Variants in SHOC1 observed in about 807,000 individuals in gnomAD.
SHOC1 encodes shortage in chiasmata 1.
A neutral mutation model predicts 179.2 loss-of-function variants in SHOC1; 136 were observed. The ratio of observed to expected loss-of-function variants is 0.76; its 90% confidence interval spans 0.66 to 0.87. SHOC1 has a LOEUF of 0.87. Among genes scored for constraint, SHOC1 ranks in the 40% least tolerant of loss-of-function variants. The probability of loss-of-function intolerance (pLI) is 0.00; values close to 1 mark genes in which losing one functional copy is unlikely to be tolerated. For synonymous variants in SHOC1, 489 were observed against 586.6 expected (o/e 0.83, Z 2.41); for missense variants, 1,538 against 1,700.8 (o/e 0.90, Z 1.68).
intron 17 of SHOC1, among the ~76,000 whole-genome samples, chr9:111,713,548 A>T (rs1197780775): frequency 6.6e-6 from 1 of 152,016 alleles, no homozygotes; most frequent in Non-Finnish European, 1.5e-5. Flanking sequence ...TGTGGGGGAG[A>T]GGTGGGAGAG....
intron 12 of SHOC1, chr9:111,737,952 A>G: frequency 3.1e-6 from 1 of 324,822 alleles, no homozygotes; most frequent in Non-Finnish European, 5.6e-6. Context: ...GTTTGCGTCT[A>G]GGCCAATGTG....
intron 12 of SHOC1, among the ~76,000 whole-genome samples, chr9:111,737,310 A>G (rs1833851271): frequency 6.6e-6 from 1 of 152,242 alleles, no homozygotes; most frequent in East Asian, 1.9e-4. Context: ...ATCTCCCAAC[A>G]TAGACAGTAA....
intron 12 of SHOC1, among the ~76,000 whole-genome samples, chr9:111,730,587 C>G (rs540004384): frequency 6.6e-6 from 1 of 152,284 alleles, no homozygotes; most frequent in South Asian, 2.1e-4. Flanking sequence ...AGTAGTAGGT[C>G]TCAACAGTGG....
At chr9:111,732,152 T>C (rs913102773) in intron 12 of SHOC1, among the ~76,000 whole-genome samples, 1 of 152,196 alleles carries the variant, frequency 6.6e-6, no homozygotes, top group Non-Finnish European at 1.5e-5. Flanking sequence ...TACCAAGTGT[T>C]AGCAAGGATA....
At chr9:111,738,182 C>G (rs770313779) in intron 12 of SHOC1, 98 bp downstream of exon 12, 4 of 1,105,934 alleles carry the variant, frequency 3.6e-6, no homozygotes, top group Non-Finnish European at 5.1e-6. Flanking sequence ...AATGCTAGAA[C>G]CTAGTGATTT....
In SHOC1 at chr9:111,718,107, C is replaced by A. The variant is rs1157894374; in HGVS notation, c.2236+77G>T. Reference sequence around the variant, plus strand: ...CTACATCATTTCTTATAAGGTGTATCTTTTTCAGAAAAGTAAGTTATTTCA... The same window carrying A: ...CTACATCATTTCTTATAAGGTGTATATTTTTCAGAAAAGTAAGTTATTTCA... On this transcript the variant is annotated intron_variant, in intron 16 of 27. Transcript: ENST00000682961. 11 of 1,028,836 alleles carry A rather than the reference C, an allele frequency of 1.1e-5. No homozygotes were observed. The Admixed American group carries it at 2.8e-4, about 26-fold the overall frequency. The allele number at this position is 1,028,836 out of a possible 1,614,324, so 63.7% of individuals were successfully genotyped here.
intron 15 of SHOC1, among the ~76,000 whole-genome samples, chr9:111,720,836 A>C (rs1238754825): frequency 1.3e-5 from 2 of 152,240 alleles, no homozygotes. Context: ...TCAAACATAC[A>C]GAAAACAGTA....
At chr9:111,710,972 T>C (rs1832517777) in intron 18 of SHOC1, among the ~76,000 whole-genome samples, 1 of 151,992 alleles carries the variant, frequency 6.6e-6, no homozygotes, top group South Asian at 2.1e-4. Context: ...AGGTTGACAG[T>C]GGTGTTTTAT....
At chr9:111,759,168 C>T (rs772348374) in intron 5 of SHOC1, 57 of 1,608,372 alleles carry the variant, frequency 3.5e-5, no homozygotes, top group Admixed American at 6.8e-5. Flanking sequence ...TTCAAAATAG[C>T]CAGGCGTAGC....
At position 111,758,198 on chromosome 9, in the gene SHOC1, TAA is replaced by T; in HGVS notation, c.597-5_597-4del. The T allele has an allele frequency of 2.8e-6, 4 of 1,435,348 alleles. No individual in the cohort carries two copies. The highest frequency in any genetic ancestry group is 2.4e-5 in the East Asian group (1 of 41,846). The allele number at this position is 1,435,348 out of a possible 1,614,324, so 88.9% of individuals were successfully genotyped here. Reference sequence around the variant, plus strand: ...TTTCTTGAAGAGAGAAACATTCCCTTAAAAAAAAATACATTAATTAGTGTTTA... The same window carrying T: ...TTTCTTGAAGAGAGAAACATTCCCTTAAAAAAATACATTAATTAGTGTTTA... On this transcript the variant is annotated splice_polypyrimidine_tract_variant and splice_region_variant and intron_variant, in intron 6 of 27. Coordinates refer to ENST00000682961, the MANE Select transcript of SHOC1 (RefSeq NM_001378211.1).
At chr9:111,731,498 A>AT (rs1044313659) in intron 12 of SHOC1, among the ~76,000 whole-genome samples, 13 of 152,132 alleles carry the variant, frequency 8.5e-5, no homozygotes, top group Non-Finnish European at 1.5e-4. Flanking sequence ...AAAGGGAGAG[A>AT]GATAAGGGAA....
At chr9:111,698,131 T>C (rs969899877) in intron 24 of SHOC1, among the ~76,000 whole-genome samples, 3 of 152,228 alleles carry the variant, frequency 2.0e-5, no homozygotes, top group African/African-American at 7.2e-5. Context: ...TGTTCTCCCA[T>C]TCTGTAGGTT....
chr9:111,738,351 CATA>C lies in SHOC1; in HGVS notation c.1343_1345del (p.Leu448del). ...GTCATTAGAAGACAAATTATCATGA[CATA>C]AATATGTATTCAGATGTTCCAATGT... On this transcript the variant is annotated inframe_deletion, in exon 12 of 28. Transcript: ENST00000682961. 2 of 1,612,170 alleles carry C rather than the reference CATA, an allele frequency of 1.2e-6. No homozygotes were observed.
rs144147672 is a variant in SHOC1, at chr9:111,713,143, G to A, written c.2445C>T (p.Asp815=). 4,946 of 1,570,060 alleles carry A rather than the reference G, an allele frequency of 3.2e-3. 81 individuals are homozygous for A. Among genetic ancestry groups the A allele is most frequent in the South Asian group, 0.026 (2,259 of 88,310 alleles). The change falls in exon 18 of 28, where the codon GAC becomes GAT. Residue 815 remains aspartate (D), a synonymous_variant. Coordinates refer to ENST00000682961, the MANE Select transcript of SHOC1 (RefSeq NM_001378211.1). ...KVLIIIRMDS[D]GEKHFLIKIL... ...TTTTAATGAGAAAATGTTTTTCACC[G>A]TCTGAGTCCATTCTTATTATAATCA...
chr9:111,702,006 A>G, intron 23 of SHOC1, 99 bp downstream of exon 23: 3 of 841,874 alleles, frequency 3.6e-6, no homozygotes, highest in Non-Finnish European at 3.6e-6. Context: ...AGCAAACTAG[A>G]TGAGCATGCA....
Position 111,715,932 on chromosome 9 carries a change from C to T in SHOC1, c.2237-1309G>A, listed in dbSNP as rs1053308456. On this transcript the variant is annotated intron_variant, in intron 16 of 27. Transcript: ENST00000682961. ...AACCTAAAACTCACTACCTTGCCAG[C>T]TTGGGAGAGGGAGCAAACTGGAAGC... 2.6e-5 allele frequency among the ~76,000 whole-genome samples: 4 copies of T among 152,016 alleles called. No homozygotes were observed. In the East Asian group the frequency reaches 7.7e-4, roughly 29 times the overall value.
Position 111,702,188 on chromosome 9 carries a change from A to T in SHOC1, c.3006T>A (p.Asn1002Lys), listed in dbSNP as rs1300733256. 1 of 1,477,658 alleles carries T rather than the reference A, an allele frequency of 6.8e-7. No homozygotes were observed. Among genetic ancestry groups the T allele is most frequent in the African/African-American group, 1.4e-5 (1 of 71,706 alleles). 91.5% of individuals were successfully genotyped at this position (1,477,658 alleles called of 1,614,324 possible). A position where few individuals can be genotyped will look rare whatever the true frequency, so the allele number is the denominator to read the frequency against. Residue 1002 changes from asparagine to lysine, a missense_variant, in exon 23 of 28, where the codon AAT becomes AAA. By Grantham distance (94) the Asn-to-Lys change is moderately conservative. Transcript: ENST00000682961. ...ATAATGCCATCAGCCTCATAATGAT[A>T]TTGTCTGATGCCTTCTCATAATTCA... ...EELNYEKASD[N>K]IIMRLMALSL...
At position 111,714,580 on chromosome 9, in the gene SHOC1, G is replaced by A; in HGVS notation, c.2280C>T (p.Gly760=). Residue 760 remains glycine (G), a synonymous_variant, in exon 17 of 28, where the codon GGC becomes GGT. Coordinates refer to ENST00000682961, the MANE Select transcript of SHOC1 (RefSeq NM_001378211.1). ...GTCTCCAAATGTCACCCAAATAGGG[G>A]CCTAAAATGCTGTTGTAGATATCTT... is the stretch of plus-strand genomic sequence containing the variant. ...KAKDIYNSIL[G]PYLGDIWRQL... is the part of the protein sequence containing the mutation. 2 of 1,613,718 alleles carry A rather than the reference G, an allele frequency of 1.2e-6. No homozygotes were observed. The highest frequency in any genetic ancestry group is 8.5e-7 in the Non-Finnish European group (1 of 1,179,860).
At chr9:111,713,538 T>C (rs1482781521) in intron 17 of SHOC1, among the ~76,000 whole-genome samples, 4 of 152,188 alleles carry the variant, frequency 2.6e-5, no homozygotes, top group African/African-American at 9.7e-5. Flanking sequence ...ATTACAGTTT[T>C]GTGGGGGAGA....
Sources: gnomAD v4.1 joint callset for allele counts (sites outside exome capture counted in the v4.1 genomes callset) on GRCh38, gnomAD v4.1.1 for gene constraint, MANE v1.5 for transcripts, NCBI Gene and HGNC (gene_info 2026-07-23, HGNC 2026-07-21) for gene names.